Variants in NAA11 observed in about 807,000 individuals in gnomAD.
NAA11 encodes N-alpha-acetyltransferase 11, NatA catalytic subunit.
In NAA11, 15 loss-of-function variants were observed where a neutral mutation model predicts 16.1. The observed-to-expected ratio is 0.93, with a 90% CI of 0.62 to 1.44. NAA11 has a LOEUF of 1.44. Ranked by LOEUF, NAA11 falls within the 40% of genes most tolerant of loss-of-function variation. The pLI is 0.00. For synonymous variants in NAA11, 122 were observed against 112.4 expected, an observed-to-expected ratio of 1.09 and a Z score of -0.54; for missense variants, 298 against 291.3, an observed-to-expected ratio of 1.02 and a Z score of -0.17.
Position 79,325,535 on chromosome 4 carries a change from T to C in NAA11, c.343A>G (p.Asn115Asp). 6.2e-7 allele frequency: 1 copy of C among 1,614,180 alleles called. No individual in the cohort carries two copies. The highest frequency in any genetic ancestry group is 1.1e-5 in the South Asian group (1 of 91,090). ...KYVSLHVRKS[N>D]RPALHLYSNT... Reference sequence around the variant, plus strand: ...GAATAAAGGTGCAAGGCTGGCCGGTTACTCTTCCTGACGTGCAGAGACACG... The same window carrying C: ...GAATAAAGGTGCAAGGCTGGCCGGTCACTCTTCCTGACGTGCAGAGACACG... Residue 115 changes from asparagine to aspartate, a missense_variant, in exon 1 of 2, where the codon AAC (asparagine) becomes GAC (aspartate). Asn to Asp is a conservative substitution (Grantham distance 23, BLOSUM62 1). Coordinates refer to ENST00000286794, the MANE Select transcript of NAA11 (RefSeq NM_032693.3).
downstream of NAA11, among the ~76,000 whole-genome samples, chr4:79,222,765 C>G (rs1240413139): frequency 6.6e-6 from 1 of 151,646 alleles, no homozygotes; most frequent in South Asian, 2.1e-4. Flanking sequence ...GGCTAATATA[C>G]AGAATCTACA....
chr4:79,182,723 T>G, the NAA11 span, among the ~76,000 whole-genome samples: 1 of 152,104 alleles, frequency 6.6e-6, no homozygotes, highest in Non-Finnish European at 1.5e-5. Context: ...AATAAAATGC[T>G]TCTCAACAAT....
At chr4:79,162,291 G>C in the NAA11 span, among the ~76,000 whole-genome samples, 2 of 152,128 alleles carry the variant, frequency 1.3e-5, no homozygotes, top group African/African-American at 4.8e-5. Context: ...AGTGAAGAAA[G>C]CTTGAGCATG....
downstream of NAA11, among the ~76,000 whole-genome samples, chr4:79,224,128 G>A (rs1452643313): frequency 1.3e-5 from 2 of 152,082 alleles, no homozygotes; most frequent in Non-Finnish European, 2.9e-5. Flanking sequence ...ACCACAGGGC[G>A]GTAGTCAAGA....
At chr4:79,249,934 A>C (rs1004073305) in intron 2 of NAA11, among the ~76,000 whole-genome samples, 1 of 152,354 alleles carries the variant, frequency 6.6e-6, no homozygotes, top group South Asian at 2.1e-4. Context: ...CAACCTAGGC[A>C]TCCAGGTTCT....
intron 2 of NAA11, among the ~76,000 whole-genome samples, chr4:79,263,634 A>C (rs1182236353): frequency 2.6e-5 from 4 of 152,086 alleles, no homozygotes; most frequent in African/African-American, 9.7e-5. Flanking sequence ...TTATCAAAAA[A>C]CACTTTCTCC....
At chr4:79,223,078 T>A (rs1721228347), downstream of NAA11, among the ~76,000 whole-genome samples, 1 of 148,376 alleles carries the variant, frequency 6.7e-6, no homozygotes, top group African/African-American at 2.5e-5. Flanking sequence ...ATTGTGGAAG[T>A]CAGTGTGGCG....
the NAA11 span, among the ~76,000 whole-genome samples, chr4:79,181,026 A>T: frequency 6.6e-6 from 1 of 152,108 alleles, no homozygotes; most frequent in Non-Finnish European, 1.5e-5. Context: ...TGGCGACTGA[A>T]CAATGAGAAC....
intron 2 of NAA11, among the ~76,000 whole-genome samples, chr4:79,250,888 A>G (rs1164405580): frequency 6.6e-6 from 1 of 152,234 alleles, no homozygotes; most frequent in Non-Finnish European, 1.5e-5. Context: ...ATCACTAATC[A>G]TTAGAGAAAT....
At chr4:79,228,721 T>G (rs1306163758) in intron 2 of NAA11, among the ~76,000 whole-genome samples, 2 of 152,004 alleles carry the variant, frequency 1.3e-5, no homozygotes, top group Non-Finnish European at 2.9e-5. Flanking sequence ...TTGGAGAATA[T>G]TTGGTTTGTA....
At chr4:79,297,317 T>A (rs1306904024) in intron 1 of NAA11, among the ~76,000 whole-genome samples, 2 of 152,070 alleles carry the variant, frequency 1.3e-5, no homozygotes, top group Admixed American at 6.5e-5. Flanking sequence ...GGGAGCAGTG[T>A]GGTCAGGCAC....
the NAA11 span, among the ~76,000 whole-genome samples, chr4:79,156,537 C>T: frequency 1.3e-5 from 2 of 152,064 alleles, no homozygotes; most frequent in Non-Finnish European, 2.9e-5. Flanking sequence ...GGGAGGTCAG[C>T]CTTTTGTTCA....
chr4:79,193,439 C>A, the NAA11 span, among the ~76,000 whole-genome samples: 1 of 152,216 alleles, frequency 6.6e-6, no homozygotes, highest in Non-Finnish European at 1.5e-5. Flanking sequence ...CAGCTTTCTA[C>A]ATATGGCTAG....
intron 2 of NAA11, among the ~76,000 whole-genome samples, chr4:79,287,669 G>A (rs900029058): frequency 6.6e-6 from 1 of 151,932 alleles, no homozygotes; most frequent in African/African-American, 2.4e-5. Flanking sequence ...ATGTGTGTGT[G>A]TCTGTGTGTG....
the NAA11 span, among the ~76,000 whole-genome samples, chr4:79,187,402 G>A: frequency 6.6e-6 from 1 of 152,156 alleles, no homozygotes; most frequent in Non-Finnish European, 1.5e-5. Flanking sequence ...CAGGGGAACT[G>A]TAGCATTTCA....
rs1723949211 is a variant in NAA11 at position 79,317,130 on chromosome 4, A to C, written c.*674T>G. On this transcript the variant is annotated 3_prime_UTR_variant, in exon 2 of 2. Coordinates refer to ENST00000286794, the MANE Select transcript of NAA11 (RefSeq NM_032693.3). ...ACAAACAAGCACATTAGAGATTCCA[A>C]TTTAATTACCGTTTGTCCTTTTCTT... The C allele has an allele frequency of 6.6e-6, 1 of 152,204 alleles. No homozygotes were observed. The highest frequency in any genetic ancestry group is 1.5e-5 in the Non-Finnish European group (1 of 68,038). The allele number at this position is 152,204 out of a possible 1,614,324, so 9.4% of individuals were successfully genotyped here.
At chr4:79,294,931 C>T (rs1169480912) in intron 1 of NAA11, among the ~76,000 whole-genome samples, 1 of 152,162 alleles carries the variant, frequency 6.6e-6, no homozygotes, top group East Asian at 1.9e-4. Flanking sequence ...TCATCCCATA[C>T]TATAGTGATT....
At chr4:79,252,910 G>A (rs1409462378) in intron 2 of NAA11, among the ~76,000 whole-genome samples, 1 of 152,186 alleles carries the variant, frequency 6.6e-6, no homozygotes, top group Non-Finnish European at 1.5e-5. Context: ...TTCAAAAAGT[G>A]TATATCAATA....
the NAA11 span, among the ~76,000 whole-genome samples, chr4:79,216,908 T>C: frequency 6.6e-6 from 1 of 152,134 alleles, no homozygotes; most frequent in South Asian, 2.1e-4. Context: ...TTTATGGAAT[T>C]TTTCCACCAA....
Sources: allele counts gnomAD v4.1 joint callset (sites outside exome capture counted in the v4.1 genomes callset), GRCh38; gene constraint gnomAD v4.1.1; transcripts MANE v1.5; gene names NCBI Gene and HGNC (gene_info 2026-07-23, HGNC 2026-07-21).